NMNAT2: variants seen among roughly 807,000 people sequenced by gnomAD.
The protein encoded by NMNAT2 is nicotinamide nucleotide adenylyltransferase 2, also known as nicotinamide/nicotinic acid mononucleotide adenylyltransferase 2.
A neutral mutation model predicts 41.6 loss-of-function variants in NMNAT2; 11 were observed. The observed-to-expected ratio is 0.26, with a 90% CI of 0.17 to 0.44. The LOEUF (loss-of-function observed/expected upper bound fraction) is 0.44. Among genes scored for constraint, NMNAT2 ranks in the 20% least tolerant of loss-of-function variants. NMNAT2 has a pLI of 1.00. For missense variants in NMNAT2, 288 were observed against 407.7 expected, an observed-to-expected ratio of 0.71 and a Z score of 2.53; for synonymous variants, 148 against 151.2, an observed-to-expected ratio of 0.98 and a Z score of 0.16.
intron 1 of NMNAT2, among the ~76,000 whole-genome samples, chr1:183,330,476 A>G (rs953273): frequency 0.45 from 68,066 of 151,938 alleles, 16,254 homozygotes; most frequent in East Asian, 0.78. Context: ...TTCAGCTTGG[A>G]CTGCTTCACC....
chr1:183,306,672 A>C (rs1661999121), intron 1 of NMNAT2, among the ~76,000 whole-genome samples: 1 of 152,194 alleles, frequency 6.6e-6, no homozygotes, highest in South Asian at 2.1e-4. Context: ...TTCTCTAAGA[A>C]ACCTGAAAGT....
intron 1 of NMNAT2, among the ~76,000 whole-genome samples, chr1:183,385,082 A>C (rs557853449): frequency 9.2e-5 from 14 of 152,096 alleles, no homozygotes; most frequent in Non-Finnish European, 1.9e-4. Flanking sequence ...AAAAAAATTA[A>C]CTGACACAAC....
intron 1 of NMNAT2, among the ~76,000 whole-genome samples, chr1:183,369,792 C>T (rs1201246706): frequency 6.6e-6 from 1 of 152,046 alleles, no homozygotes; most frequent in Non-Finnish European, 1.5e-5. Context: ...AAACACTAAC[C>T]TCCTCCTGGT....
intron 1 of NMNAT2, among the ~76,000 whole-genome samples, chr1:183,371,750 T>C (rs1406486173): frequency 6.6e-6 from 1 of 152,172 alleles, no homozygotes; most frequent in Non-Finnish European, 1.5e-5. Context: ...CCCAAGTACC[T>C]TCTTTTCTTT....
At chr1:183,266,782 C>T (rs956223515) in intron 8 of NMNAT2, 1 of 209,288 alleles carries the variant, frequency 4.8e-6, no homozygotes, top group African/African-American at 2.3e-5. Flanking sequence ...AGGGCAAAAA[C>T]TGCCTGACTC....
intron 1 of NMNAT2, among the ~76,000 whole-genome samples, chr1:183,329,236 T>TTGTGTGTGTGTG (rs954435593): frequency 2.0e-5 from 3 of 151,938 alleles, no homozygotes; most frequent in Non-Finnish European, 4.4e-5. Flanking sequence ...TCCATTTTAA[T>TTGTGTGTGTGTG]TGTGTGTGTG....
Position 183,384,533 on chromosome 1 carries a change from AACTC to A in NMNAT2, c.85+33646_85+33649del, listed in dbSNP as rs367674842. Among the ~76,000 whole-genome samples, 495 of 152,236 alleles carry A rather than the reference AACTC, an allele frequency of 3.3e-3. 4 individuals carry two copies. The highest frequency in any genetic ancestry group is 0.01 in the African/African-American group (426 of 41,540). On this transcript the variant is annotated intron_variant, in intron 1 of 10. Coordinates refer to ENST00000287713, the MANE Select transcript of NMNAT2 (RefSeq NM_015039.4). ...CTTTTAAACAACCAAATCTTGTGAGAACTCACTCGCAATCACAAGAACGGCAAGG... is the reference window on the plus strand; with the variant it reads ...CTTTTAAACAACCAAATCTTGTGAGAACTCGCAATCACAAGAACGGCAAGG...
intron 8 of NMNAT2, chr1:183,267,206 G>C (rs1025036025): frequency 6.6e-6 from 1 of 152,322 alleles, no homozygotes; most frequent in African/African-American, 2.4e-5. Context: ...AAAAACCACT[G>C]GGGGAGAGAC....
intron 3 of NMNAT2, among the ~76,000 whole-genome samples, chr1:183,291,605 G>A (rs1661541811): frequency 6.6e-6 from 1 of 152,126 alleles, no homozygotes; most frequent in Admixed American, 6.6e-5. Context: ...GAATGCATGA[G>A]GGAATTATTC....
chr1:183,411,496 G>C (rs1013231016), intron 1 of NMNAT2, among the ~76,000 whole-genome samples: 1 of 152,090 alleles, frequency 6.6e-6, no homozygotes, highest in Non-Finnish European at 1.5e-5. Context: ...AGTAGAGACA[G>C]GGTTTCCCCA....
intron 10 of NMNAT2, among the ~76,000 whole-genome samples, chr1:183,258,271 C>T (rs1660569451): frequency 1.3e-5 from 2 of 152,338 alleles, no homozygotes; most frequent in South Asian, 2.1e-4. Flanking sequence ...AATTCATATA[C>T]GCCTCCACAT....
At chr1:183,284,078 G>A (rs607332) in intron 6 of NMNAT2, 39 bp from the exon 7 acceptor site, 556,047 of 1,582,316 alleles carry the variant, frequency 0.35, 98,768 homozygotes, top group African/African-American at 0.4. Context: ...TTAGGGAACA[G>A]GCTTCCTGGT....
chr1:183,257,786 GTT>G (rs1020612481), intron 10 of NMNAT2, among the ~76,000 whole-genome samples: 4 of 116,762 alleles, frequency 3.4e-5, no homozygotes, highest in African/African-American at 1.2e-4. Context: ...TGTCAATTTT[GTT>G]TTTTTTTTTC....
intron 1 of NMNAT2, among the ~76,000 whole-genome samples, chr1:183,406,683 G>A (rs1416917878): frequency 6.6e-6 from 1 of 152,114 alleles, no homozygotes; most frequent in African/African-American, 2.4e-5. Flanking sequence ...ATAAACCAAC[G>A]GTTTTTGGTT....
intron 1 of NMNAT2, among the ~76,000 whole-genome samples, chr1:183,342,809 C>T (rs1448446195): frequency 3.9e-5 from 6 of 152,116 alleles, no homozygotes; most frequent in South Asian, 2.1e-4. Flanking sequence ...TCACAGCTCA[C>T]TGCAGTCTTG....
At chr1:183,278,733 G>A in intron 7 of NMNAT2, 104 bp from the exon 8 acceptor site, 1 of 793,018 alleles carries the variant, frequency 1.3e-6, no homozygotes, top group Non-Finnish European at 2.2e-6. Flanking sequence ...TCCCACCTTT[G>A]GGGATGTGGG....
chr1:183,357,391 G>A (rs370664123), intron 1 of NMNAT2, among the ~76,000 whole-genome samples: 5 of 151,752 alleles, frequency 3.3e-5, no homozygotes, highest in East Asian at 3.9e-4. Flanking sequence ...CACCACGCCC[G>A]GCTAATTTTT....
chr1:183,341,725 C>CAAAATAAAAAAAAAAAAAAAAA (rs1662811043), intron 1 of NMNAT2, among the ~76,000 whole-genome samples: 1 of 22,210 alleles, frequency 4.5e-5, no homozygotes, highest in Non-Finnish European at 8.1e-5. Context: ...AAACAAACAC[C>CAAAATAAAAAAAAAAAAAAAAA]AAAAAAAAAA....
intron 1 of NMNAT2, among the ~76,000 whole-genome samples, chr1:183,399,614 G>A (rs574917243): frequency 6.6e-6 from 1 of 152,266 alleles, no homozygotes; most frequent in African/African-American, 2.4e-5. Flanking sequence ...ATAAAAAAAA[G>A]AGAATTTTAG....
Sources: allele counts gnomAD v4.1 joint callset (sites outside exome capture counted in the v4.1 genomes callset), GRCh38; gene constraint gnomAD v4.1.1; transcripts MANE v1.5; gene names NCBI Gene and HGNC (gene_info 2026-07-23, HGNC 2026-07-21).